The following AGBL4 variants were observed in gnomAD, a reference collection of about 807,000 sequenced individuals.
The protein encoded by AGBL4 is cytosolic carboxypeptidase 6.
In AGBL4, 58 loss-of-function variants were observed where a neutral mutation model predicts 66.4. The ratio of observed to expected loss-of-function variants is 0.87; its 90% CI spans 0.71 to 1.09. The LOEUF (loss-of-function observed/expected upper bound fraction) is 1.09. Ranked by LOEUF, AGBL4 falls within the 50% of genes least tolerant of loss-of-function variation. The pLI, the probability that AGBL4 is intolerant of heterozygous loss-of-function variation, is 0.00. For missense variants in AGBL4, 579 were observed against 631.0 expected, an observed-to-expected ratio of 0.92 and a Z score of 0.88; for synonymous variants, 234 against 222.9, an observed-to-expected ratio of 1.05 and a Z score of -0.44.
intron 5 of AGBL4, among the ~76,000 whole-genome samples, chr1:48,967,808 G>A (rs111962232): frequency 7.9e-5 from 12 of 152,254 alleles, no homozygotes; most frequent in East Asian, 1.9e-4. Flanking sequence ...AAGCCTAAGC[G>A]TGTTGATTAA....
chr1:49,600,539 C>A (rs1468612181), intron 3 of AGBL4, among the ~76,000 whole-genome samples: 2 of 152,180 alleles, frequency 1.3e-5, no homozygotes, highest in African/African-American at 2.4e-5. Context: ...ATACAGAACA[C>A]CGATGGGTCT....
chr1:50,010,438 A>G (rs1182842261), intron 1 of AGBL4, among the ~76,000 whole-genome samples: 1 of 151,350 alleles, frequency 6.6e-6, no homozygotes, highest in Non-Finnish European at 1.5e-5. Flanking sequence ...AGAAATAGAA[A>G]AAATAATCCC....
At chr1:48,652,707 G>C (rs1481002769) in intron 8 of AGBL4, among the ~76,000 whole-genome samples, 5 of 152,222 alleles carry the variant, frequency 3.3e-5, no homozygotes, top group Non-Finnish European at 2.9e-5. Flanking sequence ...AAATGAGTCG[G>C]TGTTTTTTTG....
intron 6 of AGBL4, among the ~76,000 whole-genome samples, chr1:48,745,102 C>T (rs1650533575): frequency 6.6e-6 from 1 of 152,206 alleles, no homozygotes; most frequent in African/African-American, 2.4e-5. Flanking sequence ...CAAAGTTTTA[C>T]TCCCTTTAGC....
chr1:49,755,633 G>C (rs1038061450), intron 2 of AGBL4, among the ~76,000 whole-genome samples: 1 of 152,080 alleles, frequency 6.6e-6, no homozygotes, highest in Non-Finnish European at 1.5e-5. Context: ...CTCAATGTAG[G>C]AAAATCCTCC....
intron 4 of AGBL4, among the ~76,000 whole-genome samples, chr1:49,149,206 T>C (rs1646278984): frequency 6.6e-6 from 1 of 152,232 alleles, no homozygotes; most frequent in African/African-American, 2.4e-5. Flanking sequence ...AGTGCTAAGA[T>C]GTTCTCCAGA....
chr1:49,856,434 C>T (rs1449512173), intron 1 of AGBL4, among the ~76,000 whole-genome samples: 1 of 151,944 alleles, frequency 6.6e-6, no homozygotes, highest in Non-Finnish European at 1.5e-5. Context: ...CAACAAGAAA[C>T]AATAAGCCAA....
chr1:49,080,179 A>C (rs567672797), intron 4 of AGBL4, among the ~76,000 whole-genome samples: 1 of 152,266 alleles, frequency 6.6e-6, no homozygotes, highest in East Asian at 1.9e-4. Context: ...AAACAAACAG[A>C]ATACCACATA....
At chr1:49,452,100 C>A (rs956796530) in intron 3 of AGBL4, among the ~76,000 whole-genome samples, 16 of 151,858 alleles carry the variant, frequency 1.1e-4, no homozygotes, top group Admixed American at 1.1e-3. Context: ...TACCCTCTCT[C>A]CCACAATTTT....
In AGBL4 at chr1:49,514,869, C is replaced by T. The variant is rs1185832325; in HGVS notation, c.282+182444G>A. On this transcript the variant is annotated intron_variant, in intron 3 of 13. Transcript: ENST00000371839. ...CTGAAACTGGATCCCTTCCTTACAC[C>T]TTATACAAAAATTAATTCAAGATGG... Among the ~76,000 whole-genome samples, 3 of 152,144 alleles carry T rather than the reference C, an allele frequency of 2.0e-5. No individual in the cohort carries two copies. The East Asian group carries it at 5.8e-4, about 29-fold the overall frequency.
chr1:48,606,079 T>C (rs1386541183), intron 9 of AGBL4, among the ~76,000 whole-genome samples: 1 of 152,126 alleles, frequency 6.6e-6, no homozygotes, highest in Non-Finnish European at 1.5e-5. Context: ...ATCATGGAGA[T>C]AAAAATCACA....
chr1:49,896,654 C>T (rs1017839144), intron 1 of AGBL4, among the ~76,000 whole-genome samples: 1 of 121,368 alleles, frequency 8.2e-6, no homozygotes, highest in Non-Finnish European at 1.7e-5. Flanking sequence ...CACACACACA[C>T]AACTAAATGC....
rs528840040 is a variant in AGBL4, at chr1:49,574,510, C to G, written c.282+122803G>C. Among the ~76,000 whole-genome samples the G allele has an allele frequency of 1.8e-4, 28 of 152,220 alleles. 2 individuals are homozygous for G. In the South Asian group the frequency reaches 5.4e-3, roughly 29 times the overall value. On this transcript the variant is annotated intron_variant, in intron 3 of 13. Transcript: ENST00000371839. Reference sequence around the variant, plus strand: ...ATTAGTCACTTTAGACCTACTCATTCCAGCTGAGAGGATCCAGACAATATA... The same window carrying G: ...ATTAGTCACTTTAGACCTACTCATTGCAGCTGAGAGGATCCAGACAATATA...
intron 6 of AGBL4, among the ~76,000 whole-genome samples, chr1:48,737,145 G>A (rs1288159609): frequency 2.0e-5 from 3 of 152,142 alleles, no homozygotes; most frequent in East Asian, 3.9e-4. Flanking sequence ...TTAGCCAGGT[G>A]TGGTGGCACG....
At chr1:49,868,821 A>G (rs1646769896) in intron 1 of AGBL4, among the ~76,000 whole-genome samples, 2 of 152,204 alleles carry the variant, frequency 1.3e-5, no homozygotes, top group South Asian at 4.1e-4. Flanking sequence ...TGAAGAGACA[A>G]CCTACAGAAT....
chr1:48,748,886 C>T (rs1018145258), intron 6 of AGBL4, among the ~76,000 whole-genome samples: 3 of 152,098 alleles, frequency 2.0e-5, no homozygotes, highest in East Asian at 1.9e-4. Context: ...GAGCAGGCTT[C>T]GTTGGGCAGA....
intron 1 of AGBL4, among the ~76,000 whole-genome samples, chr1:49,936,205 G>A (rs995150008): frequency 6.6e-6 from 1 of 152,198 alleles, no homozygotes; most frequent in African/African-American, 2.4e-5. Flanking sequence ...AGCCTCAGGA[G>A]CCGATGCGAT....
At chr1:48,803,283 T>C (rs969517096) in intron 6 of AGBL4, among the ~76,000 whole-genome samples, 9 of 152,198 alleles carry the variant, frequency 5.9e-5, no homozygotes, top group African/African-American at 1.9e-4. Flanking sequence ...TGTCCTTCAG[T>C]GCCCAGCCCA....
chr1:49,827,756 C>A (rs1008028369), intron 2 of AGBL4, among the ~76,000 whole-genome samples: 5 of 152,054 alleles, frequency 3.3e-5, no homozygotes, highest in African/African-American at 9.7e-5. Flanking sequence ...ACTCATGTGG[C>A]AAATTGCACC....
Sources: allele counts gnomAD v4.1 joint callset (sites outside exome capture counted in the v4.1 genomes callset), GRCh38; gene constraint gnomAD v4.1.1; transcripts MANE v1.5; gene names NCBI Gene and HGNC (gene_info 2026-07-23, HGNC 2026-07-21).